Variants in CTNNA2 observed in about 807,000 individuals in gnomAD.
The protein encoded by CTNNA2 is catenin alpha-2.
A neutral mutation model predicts 101.0 loss-of-function variants in CTNNA2; 42 were observed. That is an observed-to-expected ratio of 0.42 (90% CI 0.32 to 0.54). The LOEUF (loss-of-function observed/expected upper bound fraction) is 0.54. CTNNA2 is among the 20% of genes least tolerant of loss of function. The pLI is 0.14. For missense variants in CTNNA2, 871 were observed against 1,223.1 expected (o/e 0.71, Z 4.29); for synonymous variants, 450 against 456.4 (o/e 0.99, Z 0.18).
intron 17 of CTNNA2, among the ~76,000 whole-genome samples, chr2:80,615,899 ACT>A (rs1354814063): frequency 6.6e-6 from 1 of 151,622 alleles, no homozygotes; most frequent in Non-Finnish European, 1.5e-5. Flanking sequence ...ACATTGTCTT[ACT>A]CTATCTTAAA....
At chr2:80,546,523 C>G (rs1263975062) in intron 11 of CTNNA2, among the ~76,000 whole-genome samples, 1 of 152,188 alleles carries the variant, frequency 6.6e-6, no homozygotes, top group Non-Finnish European at 1.5e-5. Flanking sequence ...GAGATATCAG[C>G]CACAGAACTT....
At chr2:79,261,585 T>A (rs1336217825) in intron 2 of CTNNA2, among the ~76,000 whole-genome samples, 1 of 152,234 alleles carries the variant, frequency 6.6e-6, no homozygotes, top group Non-Finnish European at 1.5e-5. Flanking sequence ...AGACAGCACC[T>A]TCCCATTGTG....
chr2:80,416,618 G>C (rs1183387321), intron 8 of CTNNA2, among the ~76,000 whole-genome samples: 1 of 151,586 alleles, frequency 6.6e-6, no homozygotes, highest in Non-Finnish European at 1.5e-5. Context: ...AAAATATTTT[G>C]GTGTTTTCTA....
chr2:79,480,538 G>A (rs1195972523), intron 4 of CTNNA2, among the ~76,000 whole-genome samples: 1 of 151,980 alleles, frequency 6.6e-6, no homozygotes, highest in Non-Finnish European at 1.5e-5. Context: ...GGAAATTCTG[G>A]TATATAAATA....
chr2:79,300,573 C>T (rs1211053678), intron 2 of CTNNA2, among the ~76,000 whole-genome samples: 2 of 152,150 alleles, frequency 1.3e-5, no homozygotes, highest in East Asian at 3.9e-4. Flanking sequence ...TTTCTACATT[C>T]TCCACCTCAA....
chr2:80,160,559 T>A (rs1216043850), intron 7 of CTNNA2, among the ~76,000 whole-genome samples: 1 of 152,194 alleles, frequency 6.6e-6, no homozygotes, highest in Non-Finnish European at 1.5e-5. Flanking sequence ...TTGTAAATGA[T>A]GTTATATTTT....
intron 7 of CTNNA2, among the ~76,000 whole-genome samples, chr2:80,126,098 T>C (rs1310505024): frequency 6.6e-6 from 1 of 151,904 alleles, no homozygotes; most frequent in East Asian, 1.9e-4. Flanking sequence ...CTGTGTAGAG[T>C]TGTGCTGTTT....
intron 1 of CTNNA2, among the ~76,000 whole-genome samples, chr2:79,591,537 T>C (rs1676846530): frequency 6.6e-6 from 1 of 152,256 alleles, no homozygotes; most frequent in African/African-American, 2.4e-5. Context: ...CTTTGCTTTG[T>C]TTATGGAAAT....
At chr2:79,993,347 T>G (rs550596666) in intron 7 of CTNNA2, among the ~76,000 whole-genome samples, 59 of 152,276 alleles carry the variant, frequency 3.9e-4, no homozygotes, top group Non-Finnish European at 7.4e-4. Context: ...TCTCTCCCTC[T>G]CCATTTTTTG....
chr2:80,008,317 G>A (rs1274961343), intron 7 of CTNNA2, among the ~76,000 whole-genome samples: 1 of 152,168 alleles, frequency 6.6e-6, no homozygotes. Context: ...TCTTAAGGAG[G>A]ATTTGGGAGG....
chr2:79,513,710 A>G (rs1671653815), intron 1 of CTNNA2, among the ~76,000 whole-genome samples: 2 of 147,060 alleles, frequency 1.4e-5, no homozygotes, highest in South Asian at 4.3e-4. Context: ...ATCGAAGAAG[A>G]ATCTGTGGAT....
At chr2:80,152,723 A>C (rs1703782984) in intron 7 of CTNNA2, among the ~76,000 whole-genome samples, 1 of 152,060 alleles carries the variant, frequency 6.6e-6, no homozygotes, top group Non-Finnish European at 1.5e-5. Flanking sequence ...GATTCAGAAA[A>C]ATTTTCTCAC....
intron 3 of CTNNA2, among the ~76,000 whole-genome samples, chr2:79,818,779 G>T (rs1677735843): frequency 7.3e-6 from 1 of 137,396 alleles, no homozygotes; most frequent in Non-Finnish European, 1.5e-5. Context: ...TTACAGTTTT[G>T]CTGCAAAGTC....
chr2:80,172,800 G>C (rs1227492098), intron 7 of CTNNA2, among the ~76,000 whole-genome samples: 4 of 152,146 alleles, frequency 2.6e-5, no homozygotes, highest in African/African-American at 9.7e-5. Context: ...GCATCACCCT[G>C]ATCTCTGCCT....
intron 7 of CTNNA2, among the ~76,000 whole-genome samples, chr2:80,055,490 A>G (rs142141860): frequency 1.2e-3 from 188 of 152,252 alleles, no homozygotes; most frequent in African/African-American, 4.2e-3. Context: ...GAAACCACAT[A>G]TTATTGGACC....
At chr2:79,410,374 T>C (rs1466296097) in intron 4 of CTNNA2, among the ~76,000 whole-genome samples, 1 of 148,526 alleles carries the variant, frequency 6.7e-6, no homozygotes, top group Non-Finnish European at 1.5e-5. Flanking sequence ...ATCCCTGTCT[T>C]GTGCCAGTTT....
intron 1 of CTNNA2, among the ~76,000 whole-genome samples, chr2:79,607,314 A>G (rs1188032333): frequency 8.5e-5 from 13 of 152,220 alleles, no homozygotes; most frequent in Non-Finnish European, 1.9e-4. Context: ...CATTATAATC[A>G]GAAATCTTAG....
chr2:80,367,433 C>T (rs544776286), intron 7 of CTNNA2, among the ~76,000 whole-genome samples: 5 of 152,036 alleles, frequency 3.3e-5, no homozygotes, highest in South Asian at 2.1e-4. Flanking sequence ...TGGGAGAAAA[C>T]GAATATAAGT....
At chr2:80,257,020 C>T (rs898232982) in intron 7 of CTNNA2, among the ~76,000 whole-genome samples, 9 of 152,048 alleles carry the variant, frequency 5.9e-5, no homozygotes, top group South Asian at 2.1e-4. Flanking sequence ...GTGAATATGA[C>T]CCAGTGTTTC....
Sources: gnomAD v4.1 joint callset for allele counts (sites outside exome capture counted in the v4.1 genomes callset) on GRCh38, gnomAD v4.1.1 for gene constraint, MANE v1.5 for transcripts, NCBI Gene and HGNC (gene_info 2026-07-23, HGNC 2026-07-21) for gene names.